Variants in CAPG observed in about 807,000 individuals in gnomAD.
The protein encoded by CAPG is capping actin protein, gelsolin like.
Under a neutral mutation model 44.6 loss-of-function variants are expected in CAPG, and 32 were observed. The ratio of observed to expected loss-of-function variants is 0.72; its 90% CI spans 0.54 to 0.96. The LOEUF (loss-of-function observed/expected upper bound fraction) is 0.96. Among genes scored for constraint, CAPG ranks in the 50% least tolerant of loss-of-function variants. The pLI is 0.00. For missense variants in CAPG, 412 were observed against 438.3 expected, an observed-to-expected ratio of 0.94 and a Z score of 0.54; for synonymous variants, 175 against 179.6, an observed-to-expected ratio of 0.97 and a Z score of 0.20.
intron 1 of CAPG, among the ~76,000 whole-genome samples, chr2:85,415,842 TTTTTTTC>T (rs1687539136): frequency 6.6e-6 from 1 of 152,132 alleles, no homozygotes; most frequent in South Asian, 2.1e-4. Context: ...GAAAGGCTGC[TTTTTTTC>T]TTTTTTCTTT....
At chr2:85,402,402 G>A (rs1181959981) in intron 1 of CAPG, among the ~76,000 whole-genome samples, 2 of 152,110 alleles carry the variant, frequency 1.3e-5, no homozygotes, top group African/African-American at 4.8e-5. Flanking sequence ...TCTTCCGTCT[G>A]CTGAGATCTC....
At chr2:85,403,676 C>T (rs1224960599) in intron 1 of CAPG, among the ~76,000 whole-genome samples, 1 of 152,014 alleles carries the variant, frequency 6.6e-6, no homozygotes, top group East Asian at 1.9e-4. Context: ...ATCATGAGGT[C>T]AGGAGTTCGA....
chr2:85,394,976 G>A lies in CAPG; in HGVS notation c.982-18C>T. On this transcript the variant is annotated intron_variant, in intron 9 of 9. Transcript: ENST00000263867. ...ATCTCCACCTGCAGGGACAGCGGGG[G>A]AGAAGTCTGGTTCACAAAGTTGCCA... The A allele has an allele frequency of 6.3e-7, 1 of 1,591,126 alleles. No individual in the cohort carries two copies. The highest frequency in any genetic ancestry group is 8.6e-7 in the Non-Finnish European group (1 of 1,159,018).
chr2:85,403,658 G>A (rs890986264), intron 1 of CAPG, among the ~76,000 whole-genome samples: 5 of 152,110 alleles, frequency 3.3e-5, no homozygotes, highest in Admixed American at 6.5e-5. Context: ...GGAGGCCAAG[G>A]TGGGTGGATC....
chr2:85,404,694 G>T (rs972503584), intron 1 of CAPG, among the ~76,000 whole-genome samples: 9 of 152,092 alleles, frequency 5.9e-5, no homozygotes, highest in African/African-American at 2.2e-4. Flanking sequence ...GTTGCAGTGA[G>T]CTGAGATTGT....
chr2:85,408,208 G>A (rs1403733127), intron 1 of CAPG, among the ~76,000 whole-genome samples: 1 of 152,076 alleles, frequency 6.6e-6, no homozygotes, highest in African/African-American at 2.4e-5. Flanking sequence ...CAGGCATGGT[G>A]GTGCGTGCCT....
At chr2:85,394,991 C>T (rs370085678) in intron 9 of CAPG, 33 bp from the exon 10 acceptor site, 198 of 1,508,980 alleles carry the variant, frequency 1.3e-4, no homozygotes, top group Non-Finnish European at 1.7e-4. Context: ...GTCTGGTTCA[C>T]AAAGTTGCCA....
chr2:85,416,404 A>G (rs771954008), intron 1 of CAPG, among the ~76,000 whole-genome samples: 9 of 152,064 alleles, frequency 5.9e-5, no homozygotes, highest in Non-Finnish European at 8.8e-5. Context: ...TCTAACTCCA[A>G]CCGAGAGGCA....
rs767325894 is a variant in CAPG, at chr2:85,401,655, C to T, written c.225G>A (p.Gly75=). Residue 75 remains glycine (G), a synonymous_variant, in exon 4 of 10, where the codon GGG becomes GGA. Transcript: ENST00000263867. The stretch of plus-strand genomic sequence containing the variant: ...GGTGCACAGCCAGCACGGCACAGGC[C>T]CCCTGCTCATCCCGGGATGACTGCT... The part of the protein sequence containing the change: ...IGQQSSRDEQ[G]ACAVLAVHLN... 5.6e-6 allele frequency: 9 copies of T among 1,614,066 alleles called. No individual in the cohort carries two copies. The African/African-American group carries it at 6.7e-5, about 12-fold the overall frequency.
At chr2:85,408,056 T>C (rs1160248916) in intron 1 of CAPG, among the ~76,000 whole-genome samples, 1 of 151,830 alleles carries the variant, frequency 6.6e-6, no homozygotes, top group Non-Finnish European at 1.5e-5. Context: ...AGCCCCCTCA[T>C]CCTAGGCTGG....
intron 8 of CAPG, among the ~76,000 whole-genome samples, chr2:85,396,601 C>T (rs1453956221): frequency 6.6e-6 from 1 of 152,114 alleles, no homozygotes; most frequent in African/African-American, 2.4e-5. Context: ...TCCTGTTTTT[C>T]CTCTGATTTC....
In CAPG at chr2:85,401,959, T is replaced by C; in HGVS notation, c.24-2A>G. The C allele has an allele frequency of 6.2e-7, 1 of 1,613,960 alleles. No homozygotes were observed. The highest frequency in any genetic ancestry group is 8.5e-7 in the Non-Finnish European group (1 of 1,179,958). ...ACTGAGCCTGGGAATGGAGAGCCAC[T>C]GCGAGAAGAGAGAGGGTTGACAGCA... On this transcript the variant is annotated splice_acceptor_variant, in intron 2 of 9. Transcript: ENST00000263867. LOFTEE classifies it high-confidence loss of function.
chr2:85,408,086 T>C (rs1687247986), intron 1 of CAPG, among the ~76,000 whole-genome samples: 1 of 152,148 alleles, frequency 6.6e-6, no homozygotes, highest in Non-Finnish European at 1.5e-5. Flanking sequence ...CTCATGCCTG[T>C]AATCCCAGAA....
At chr2:85,410,427 G>A (rs1384255825), upstream of CAPG, 2 of 152,328 alleles carry the variant, frequency 1.3e-5, no homozygotes, top group Non-Finnish European at 2.9e-5. Context: ...CCCCACCCCT[G>A]GGCTCCTTCC....
At position 85,402,158 on chromosome 2, in the gene CAPG, T is replaced by A; in HGVS notation, c.-13A>T. Reference sequence around the variant, plus strand: ...TGGCTGTGTACATGCTGTCTTCAGATCTGGAAAGAAAGAAGAAGCCATTAT... The same window carrying A: ...TGGCTGTGTACATGCTGTCTTCAGAACTGGAAAGAAAGAAGAAGCCATTAT... On this transcript the variant is annotated splice_region_variant and 5_prime_UTR_variant, in exon 2 of 10. Coordinates refer to ENST00000263867, the MANE Select transcript of CAPG (RefSeq NM_001747.4). The A allele has an allele frequency of 6.3e-7, 1 of 1,596,982 alleles. No individual in the cohort carries two copies. The highest frequency in any genetic ancestry group is 8.5e-7 in the Non-Finnish European group (1 of 1,170,464).
rs1436962428 is a variant in CAPG, at chr2:85,395,604, C to T, written c.915G>A (p.Glu305=). The T allele has an allele frequency of 2.5e-6, 4 of 1,613,936 alleles. No individual in the cohort carries two copies. Among genetic ancestry groups the T allele is most frequent in the Non-Finnish European group, 3.4e-6 (4 of 1,179,918 alleles). The change falls in exon 9 of 10, where the codon GAG becomes GAA. Residue 305 remains glutamate (E), a synonymous_variant. Transcript: ENST00000263867. The surrounding 1 kb of genome is among the most constrained non-coding windows in gnomAD (Gnocchi z 4.3). ...IWKGRKANEK[E]RQAALQVAEG... ...CGGCCACCTGCAGGGCTGCCTGCCG[C>T]TCCTTCTCATTCGCTTTTCGCCCTA...
intron 8 of CAPG, 63 bp downstream of exon 8, chr2:85,397,957 G>C: frequency 6.4e-7 from 1 of 1,550,470 alleles, no homozygotes; most frequent in Non-Finnish European, 8.8e-7. Flanking sequence ...GTCCTGCAAA[G>C]GGAAGCCTGC....
chr2:85,402,078 G>T (rs1278782818), intron 2 of CAPG, 45 bp downstream of exon 2: 3 of 1,610,240 alleles, frequency 1.9e-6, no homozygotes, highest in Non-Finnish European at 2.5e-6. Context: ...GCCCTTGGAG[G>T]TAAAGAAGGG....
At chr2:85,393,527 T>C (rs1686461104), downstream of CAPG, among the ~76,000 whole-genome samples, 1 of 152,082 alleles carries the variant, frequency 6.6e-6, no homozygotes, top group Non-Finnish European at 1.5e-5. Context: ...AAGAAGTCTA[T>C]GGAGAAGACA....
Sources: gnomAD v4.1 joint callset for allele counts (sites outside exome capture counted in the v4.1 genomes callset) on GRCh38, gnomAD v4.1.1 for gene constraint, Gnocchi (gnomAD v3.1) non-coding constraint, MANE v1.5 for transcripts, NCBI Gene and HGNC (gene_info 2026-07-23, HGNC 2026-07-21) for gene names.